The following NRXN2 variants were observed in gnomAD, a reference collection of about 807,000 sequenced individuals.
NRXN2 encodes neurexin 2, also known as neurexin-2-beta.
In NRXN2, 29 loss-of-function variants were observed where a neutral mutation model predicts 128.8. The observed-to-expected ratio is 0.23, with a 90% CI of 0.17 to 0.31. The LOEUF (loss-of-function observed/expected upper bound fraction) is 0.31. NRXN2 is among the 10% of genes least tolerant of loss of function. The probability of loss-of-function intolerance (pLI) is 1.00; values close to 1 mark genes in which losing one functional copy is unlikely to be tolerated. For synonymous variants in NRXN2, 1,098 were observed against 1,075.2 expected (o/e 1.02, Z -0.41); for missense variants, 1,881 against 2,452.6 (o/e 0.77, Z 4.92).
chr11:64,712,945 C>G, intron 2 of NRXN2, 25 bp downstream of exon 2: 1 of 1,497,116 alleles, frequency 6.7e-7, no homozygotes, highest in Non-Finnish European at 8.9e-7. Flanking sequence ...GCCCAGGCAC[C>G]GGGCGGCCGC....
chr11:64,653,749 G>A (rs1227244192), intron 11 of NRXN2, 27 bp from the exon 12 acceptor site: 1 of 1,543,950 alleles, frequency 6.5e-7, no homozygotes. Context: ...GCGGGCAGAG[G>A]GGAAGGGGAG....
intron 11 of NRXN2, among the ~76,000 whole-genome samples, chr11:64,656,941 T>C (rs2048363860): frequency 6.6e-6 from 1 of 151,908 alleles, no homozygotes; most frequent in Admixed American, 6.5e-5. Flanking sequence ...AAATATCCCA[T>C]CTCTTGAGGC....
intron 2 of NRXN2, among the ~76,000 whole-genome samples, chr11:64,701,992 G>A (rs2055488027): frequency 6.7e-6 from 1 of 149,624 alleles, no homozygotes; most frequent in Admixed American, 6.6e-5. Context: ...GCCCCGTCCG[G>A]GAGGGAGGTG....
intron 4 of NRXN2, 30 bp downstream of exon 4, chr11:64,692,817 T>C (rs1272919825): frequency 1.2e-6 from 2 of 1,611,664 alleles, no homozygotes; most frequent in East Asian, 4.5e-5. Flanking sequence ...GGCAATCCAA[T>C]CCAAACCAAA....
At chr11:64,700,740 G>A (rs530778190) in intron 2 of NRXN2, among the ~76,000 whole-genome samples, 206 of 152,198 alleles carry the variant, frequency 1.4e-3, no homozygotes, top group African/African-American at 4.9e-3. Flanking sequence ...ACTAAATACC[G>A]CTGTGATGAG....
chr11:64,708,511 C>T (rs141760214), intron 2 of NRXN2, among the ~76,000 whole-genome samples: 20 of 152,294 alleles, frequency 1.3e-4, no homozygotes, highest in Admixed American at 5.2e-4. Context: ...TAATCAGCAA[C>T]GGTAGACAGA....
chr11:64,712,908 C>T (rs1371638678), intron 2 of NRXN2, 62 bp downstream of exon 2: 1 of 1,422,642 alleles, frequency 7.0e-7, no homozygotes, highest in African/African-American at 1.5e-5. Flanking sequence ...CCGACCCCCA[C>T]GAAGCGCCCC....
intron 22 of NRXN2, among the ~76,000 whole-genome samples, chr11:64,618,798 C>G (rs922545608): frequency 5.9e-5 from 9 of 152,182 alleles, no homozygotes; most frequent in African/African-American, 1.9e-4. Context: ...GCCTTTCTGG[C>G]CCAGCAGCTG....
chr11:64,682,997 T>C (rs192968477), intron 6 of NRXN2, among the ~76,000 whole-genome samples: 3 of 152,260 alleles, frequency 2.0e-5, no homozygotes, highest in Non-Finnish European at 2.9e-5. Flanking sequence ...CTTCCAGTCT[T>C]TGGAGCTGGC....
Position 64,702,117 on chromosome 11 carries a change from CGGGAGGTAG to C in NRXN2, c.731-4334_731-4326del, listed in dbSNP as rs2055535211. 2.9e-5 allele frequency among the ~76,000 whole-genome samples: 4 copies of C among 138,304 alleles called. No homozygotes were observed. The East Asian group carries it at 9.5e-4, about 33-fold the overall frequency. 90.7% of individuals were successfully genotyped at this position (138,304 alleles called of 152,430 possible). On this transcript the variant is annotated intron_variant, in intron 2 of 22. Transcript: ENST00000265459. ...CCCTCTGCCCGGCCAGCCGCCCGTC[CGGGAGGTAG>C]GTGGGGGGGTCAGCCCCCCACCCGG...
chr11:64,652,253 C>T (rs2047570483), intron 12 of NRXN2, 99 bp from the exon 13 acceptor site: 1 of 1,440,424 alleles, frequency 6.9e-7, no homozygotes, highest in South Asian at 1.2e-5. Context: ...CATCCCCGCA[C>T]ATGCCACACA....
Position 64,685,660 on chromosome 11 carries a change from G to A in NRXN2, c.1138C>T (p.Arg380Ter), listed in dbSNP as rs1189896244. ...ACTCCTCCTACCTGGCGCAGGTTTCGGGTGACCCGGACGTCGTGCCAGGCG... is the reference window on the plus strand; with the variant it reads ...ACTCCTCCTACCTGGCGCAGGTTTCAGGTGACCCGGACGTCGTGCCAGGCG... Reference protein sequence around the residue: ...DNAWHDVRVTRNLRQHAGIGH... With the variant: ...DNAWHDVRVT Residue 380 changes from arginine to a stop codon, truncating the protein, a stop_gained, in exon 6 of 23, where the codon CGA becomes TGA. Transcript: ENST00000265459. LOFTEE classifies it high-confidence loss of function. 2 of 1,614,050 alleles carry A rather than the reference G, an allele frequency of 1.2e-6. No individual in the cohort carries two copies. Among genetic ancestry groups the A allele is most frequent in the African/African-American group, 2.7e-5 (2 of 74,916 alleles).
chr11:64,686,679 C>T (rs148160304), intron 5 of NRXN2, among the ~76,000 whole-genome samples: 2 of 152,316 alleles, frequency 1.3e-5, no homozygotes, highest in East Asian at 1.9e-4. Flanking sequence ...AAGCCAAGGA[C>T]GGCGCAGACA....
At chr11:64,697,704 A>C (rs1169607790) in intron 3 of NRXN2, 71 bp downstream of exon 3, 2 of 1,587,334 alleles carry the variant, frequency 1.3e-6, no homozygotes, top group African/African-American at 2.7e-5. Flanking sequence ...TGGGTAGCCA[A>C]CGACAGTCCC....
At position 64,632,665 on chromosome 11, in the gene NRXN2, G is replaced by A. The variant is rs2044087796; in HGVS notation, c.3586-2092C>T. ...GGCAGGACACCTGGGTTTCCTAGGA[G>A]GCAGTCAAGCTCAGGGCCCTGCACT... On this transcript the variant is annotated intron_variant, in intron 18 of 22. Coordinates refer to ENST00000265459, the MANE Select transcript of NRXN2 (RefSeq NM_015080.4). The surrounding 1 kb of genome is among the most constrained non-coding windows in gnomAD (Gnocchi z 4.2). 6.6e-6 allele frequency among the ~76,000 whole-genome samples: 1 copy of A among 152,174 alleles called. No individual in the cohort carries two copies. The highest frequency in any genetic ancestry group is 6.5e-5 in the Admixed American group (1 of 15,292).
intron 15 of NRXN2, among the ~76,000 whole-genome samples, chr11:64,649,149 G>A (rs1258172584): frequency 6.6e-6 from 1 of 152,126 alleles, no homozygotes; most frequent in Non-Finnish European, 1.5e-5. Context: ...GGAGAGTGGG[G>A]GCTGGGGGAC....
intron 9 of NRXN2, among the ~76,000 whole-genome samples, chr11:64,663,594 G>A (rs553408748): frequency 2.6e-5 from 4 of 152,158 alleles, no homozygotes; most frequent in Admixed American, 2.0e-4. Context: ...TGCCTGCTCT[G>A]CCCACCCACT....
At chr11:64,685,544 C>T in intron 6 of NRXN2, 102 bp downstream of exon 6, 1 of 1,478,344 alleles carries the variant, frequency 6.8e-7, no homozygotes, top group South Asian at 1.1e-5. Context: ...CCTCACTGCC[C>T]AGCCCTGATC....
intron 4 of NRXN2, among the ~76,000 whole-genome samples, chr11:64,690,884 A>C: frequency 6.6e-6 from 1 of 151,600 alleles, no homozygotes; most frequent in Non-Finnish European, 1.5e-5. Flanking sequence ...CATTCTCCCC[A>C]CCACTCTGCA....
Sources: gnomAD v4.1 joint callset for allele counts (sites outside exome capture counted in the v4.1 genomes callset) on GRCh38, gnomAD v4.1.1 for gene constraint, Gnocchi (gnomAD v3.1) non-coding constraint, MANE v1.5 for transcripts, NCBI Gene and HGNC (gene_info 2026-07-23, HGNC 2026-07-21) for gene names.